TRPV5: variants seen among roughly 807,000 people sequenced by gnomAD.
The protein encoded by TRPV5 is transient receptor potential cation channel subfamily V member 5.
TRPV5 carries 66 observed loss-of-function variants against 74.1 expected under a neutral mutation model. That is an observed-to-expected ratio of 0.89 (90% CI 0.73 to 1.09). The LOEUF (loss-of-function observed/expected upper bound fraction) is 1.09, where lower values mean the gene tolerates loss of function less well. Among genes scored for constraint, TRPV5 ranks in the 50% least tolerant of loss-of-function variants. The probability of loss-of-function intolerance (pLI) is 0.00; values close to 1 mark genes in which losing one functional copy is unlikely to be tolerated. For missense variants in TRPV5, 936 were observed against 930.4 expected (o/e 1.01, Z -0.08); for synonymous variants, 399 against 360.7 (o/e 1.11, Z -1.20).
chr7:142,929,638 A>C, intron 3 of TRPV5, 73 bp from the exon 4 acceptor site: 1 of 1,578,794 alleles, frequency 6.3e-7, no homozygotes, highest in Non-Finnish European at 8.6e-7. Flanking sequence ...ATCCCCCACC[A>C]TCCCTCTCAG....
At chr7:142,925,822 G>A in intron 7 of TRPV5, 81 bp from the exon 8 acceptor site, 1 of 1,217,364 alleles carries the variant, frequency 8.2e-7, no homozygotes, top group Non-Finnish European at 1.2e-6. Flanking sequence ...GAAGAGGCAG[G>A]GCAGCAACCA....
At chr7:142,911,633 G>A (rs568056974) in intron 13 of TRPV5, among the ~76,000 whole-genome samples, 51 of 152,154 alleles carry the variant, frequency 3.4e-4, no homozygotes, top group African/African-American at 8.2e-4. Context: ...CTTCATGCCC[G>A]TCTTTCCAAC....
intron 1 of TRPV5, 117 bp downstream of exon 1, chr7:142,933,215 G>C (rs1204024917): frequency 2.2e-6 from 3 of 1,357,890 alleles, no homozygotes; most frequent in African/African-American, 1.5e-5. Context: ...GGGTATGTCT[G>C]AGTGACTGGC....
At chr7:142,932,209 A>G (rs961122611) in intron 1 of TRPV5, among the ~76,000 whole-genome samples, 2 of 152,092 alleles carry the variant, frequency 1.3e-5, no homozygotes, top group African/African-American at 4.8e-5. Context: ...TCCTGAGGCC[A>G]CTGCACAAAC....
chr7:142,919,379 G>T (rs1191108439), intron 8 of TRPV5, among the ~76,000 whole-genome samples: 1 of 152,222 alleles, frequency 6.6e-6, no homozygotes, highest in Non-Finnish European at 1.5e-5. Flanking sequence ...GACAGCAGGT[G>T]CAAGTTAAGC....
intron 14 of TRPV5, among the ~76,000 whole-genome samples, chr7:142,909,200 G>C (rs1327525495): frequency 6.6e-6 from 1 of 152,150 alleles, no homozygotes; most frequent in Admixed American, 6.5e-5. Context: ...GGCAGAATAT[G>C]AAGGAGGAAG....
At chr7:142,921,745 C>T (rs1275801659) in intron 8 of TRPV5, among the ~76,000 whole-genome samples, 1 of 152,120 alleles carries the variant, frequency 6.6e-6, no homozygotes, top group African/African-American at 2.4e-5. Context: ...ACTTCCCATC[C>T]CCCTGGGGAT....
intron 3 of TRPV5, 99 bp downstream of exon 3, chr7:142,929,959 A>T: frequency 6.3e-6 from 10 of 1,575,546 alleles, no homozygotes; most frequent in Non-Finnish European, 8.6e-6. Flanking sequence ...ACCCTCCATC[A>T]CCCCACCCCA....
intron 14 of TRPV5, among the ~76,000 whole-genome samples, chr7:142,909,217 C>A (rs557692844): frequency 2.0e-5 from 3 of 152,036 alleles, no homozygotes; most frequent in Admixed American, 2.0e-4. Flanking sequence ...GAAGTTAGAT[C>A]CAAGCCAAAA....
chr7:142,923,647 A>G (rs555165578), intron 8 of TRPV5, among the ~76,000 whole-genome samples: 2 of 152,318 alleles, frequency 1.3e-5, no homozygotes, highest in East Asian at 3.9e-4. Flanking sequence ...TAAAAATGCC[A>G]AGGAACAAGA....
rs538796438 is a variant in TRPV5, at chr7:142,928,669, A to G, written c.762+22T>C. The G allele has an allele frequency of 2.1e-5, 34 of 1,607,862 alleles. No individual in the cohort carries two copies. The South Asian group carries it at 2.3e-4, about 11-fold the overall frequency. ...TTGAGGGTCATTAGAAAGACACCTC[A>G]GGGATGGGGAGCGTCTCTTACCACA... On this transcript the variant is annotated intron_variant, in intron 6 of 14. Transcript: ENST00000265310.
chr7:142,923,091 G>C (rs560544559), intron 8 of TRPV5, among the ~76,000 whole-genome samples: 13 of 152,288 alleles, frequency 8.5e-5, no homozygotes, highest in African/African-American at 2.9e-4. Context: ...ATGGAGCCCA[G>C]TGATTTCCAC....
rs766393732 is a variant in TRPV5 at position 142,928,762 on chromosome 7, G to A, written c.691C>T (p.Pro231Ser). Residue 231 changes from proline (P) to serine (S), a missense_variant, in exon 6 of 15, where the codon CCC becomes TCC. By Grantham distance (74) the Pro-to-Ser change is moderately conservative. Coordinates refer to ENST00000265310, the MANE Select transcript of TRPV5 (RefSeq NM_019841.7). ...SYDGHGDHLQ[P>S]LDLVPNHQGL... ...TGGTGATTGGGCACAAGGTCCAGGG[G>A]CTGCAGGTGGTCCCCATGTCCATCA... The A allele has an allele frequency of 2.5e-6, 4 of 1,614,172 alleles. No individual in the cohort carries two copies. The highest frequency in any genetic ancestry group is 3.4e-6 in the Non-Finnish European group (4 of 1,180,026).
At chr7:142,924,385 T>TAC (rs1385797709) in intron 8 of TRPV5, among the ~76,000 whole-genome samples, 6 of 122,070 alleles carry the variant, frequency 4.9e-5, no homozygotes, top group African/African-American at 1.9e-4. Context: ...CATATATATA[T>TAC]ATATATACAT....
In TRPV5 at chr7:142,914,812, T is replaced by C; in HGVS notation, c.1452+69A>G. 3 of 1,610,082 alleles carry C rather than the reference T, an allele frequency of 1.9e-6. No homozygotes were observed. In the Admixed American group the frequency reaches 5.0e-5, roughly 27 times the overall value. On this transcript the variant is annotated intron_variant, in intron 11 of 14. Coordinates refer to ENST00000265310, the MANE Select transcript of TRPV5 (RefSeq NM_019841.7). ...GCCCCCATAGTTCTACCAGCTCCAT[T>C]CTACCTCCATCCCTCTGTCTGTGAA...
intron 9 of TRPV5, 42 bp from the exon 10 acceptor site, chr7:142,915,425 G>C: frequency 1.2e-6 from 2 of 1,611,020 alleles, no homozygotes. Context: ...TGTGGACTGC[G>C]GTACAGTCTG....
At chr7:142,928,264 C>A in intron 6 of TRPV5, 30 bp from the exon 7 acceptor site, 2 of 1,613,542 alleles carry the variant, frequency 1.2e-6, no homozygotes, top group South Asian at 1.1e-5. Context: ...AGTCAGGGGG[C>A]CAACGTGTGA....
rs1795761598 is a variant in TRPV5 at position 142,914,692 on chromosome 7, G to T, written c.1467C>A (p.Asp489Glu). Residue 489 changes from aspartate to glutamate, a missense_variant, in exon 12 of 15, where the codon GAC becomes GAA. Asp to Glu is a conservative substitution (Grantham distance 45). Coordinates refer to ENST00000265310, the MANE Select transcript of TRPV5 (RefSeq NM_019841.7). The stretch of plus-strand genomic sequence containing the variant: ...CCATCAGCCAGCAGAAACGCATTAG[G>T]TCTCCAAAAATCATCTGCAGGAAAC... ...TIMIQKMIFGDLMRFCWLMAV... is the reference protein window; with the variant it reads ...TIMIQKMIFGELMRFCWLMAV... The T allele has an allele frequency of 6.2e-7, 1 of 1,613,776 alleles. No individual in the cohort carries two copies. Among genetic ancestry groups the T allele is most frequent in the Non-Finnish European group, 8.5e-7 (1 of 1,179,890 alleles).
In TRPV5 at chr7:142,909,557, G is replaced by A. The variant is rs747374052; in HGVS notation, c.1828C>T (p.Arg610Cys). The A allele has an allele frequency of 6.8e-6, 11 of 1,614,082 alleles. No individual in the cohort carries two copies. Among genetic ancestry groups the A allele is most frequent in the East Asian group, 2.2e-5 (1 of 44,878 alleles). Reference protein sequence around the residue: ...TTVMLERKLPRCLWPRSGICG... With the variant: ...TTVMLERKLPCCLWPRSGICG... ...ATCCCGGAGCGAGGCCACAGGCAGC[G>A]AGGCAGCTTCCGCTCCAGCATCACT... The change falls in exon 14 of 15, where the codon CGC becomes TGC. Residue 610 changes from arginine to cysteine, a missense_variant. Arg to Cys is a radical substitution (Grantham distance 180). Coordinates refer to ENST00000265310, the MANE Select transcript of TRPV5 (RefSeq NM_019841.7).
Sources: allele counts gnomAD v4.1 joint callset (sites outside exome capture counted in the v4.1 genomes callset), GRCh38; gene constraint gnomAD v4.1.1; transcripts MANE v1.5; gene names NCBI Gene and HGNC (gene_info 2026-07-23, HGNC 2026-07-21).